Variants in FUCA1 observed in about 807,000 individuals in gnomAD.
FUCA1 encodes alpha-L-fucosidase 1, also known as tissue alpha-L-fucosidase.
A neutral mutation model predicts 56.8 loss-of-function variants in FUCA1; 52 were observed. The ratio of observed to expected loss-of-function variants is 0.92; its 90% CI spans 0.73 to 1.15. FUCA1 has a LOEUF of 1.15. Ranked by LOEUF, FUCA1 falls within the 50% of genes most tolerant of loss-of-function variation. FUCA1 has a pLI of 0.00. For missense variants in FUCA1, 568 were observed against 592.6 expected (o/e 0.96, Z 0.43); for synonymous variants, 230 against 226.6 (o/e 1.02, Z -0.14).
At position 23,848,622 on chromosome 1, in the gene FUCA1, T is replaced by C. The variant is rs756579234; in HGVS notation, c.1160+27A>G. On this transcript the variant is annotated intron_variant, in intron 6 of 7. Coordinates refer to ENST00000374479, the MANE Select transcript of FUCA1 (RefSeq NM_000147.5). ...TTCCGGATGGGGCACTGTTCTGTTC[T>C]TACACACAACAGAAGACAAGACTCA... The C allele has an allele frequency of 9.9e-6, 16 of 1,611,026 alleles. No homozygotes were observed. In the South Asian group the frequency reaches 1.8e-4, roughly 18 times the overall value.
At position 23,845,458 on chromosome 1, in the gene FUCA1, A is replaced by T. The variant is rs1639118301; in HGVS notation, c.*257T>A. 1 of 526,440 alleles carries T rather than the reference A, an allele frequency of 1.9e-6. No individual in the cohort carries two copies. The highest frequency in any genetic ancestry group is 3.4e-6 in the Non-Finnish European group (1 of 292,350). The allele number at this position is 526,440 out of a possible 1,614,324, so 32.6% of individuals were successfully genotyped here. A position where few individuals can be genotyped will look rare whatever the true frequency, so the allele number is the denominator to read the frequency against. On this transcript the variant is annotated 3_prime_UTR_variant, in exon 8 of 8. Transcript: ENST00000374479. ...CCATTGTAGATAATTTCCAAATATT[A>T]CAATTGATGAACTCAGAGTTCAACT...
chr1:23,854,096 A>T (rs979811830), intron 5 of FUCA1, among the ~76,000 whole-genome samples: 1 of 151,844 alleles, frequency 6.6e-6, no homozygotes, highest in Non-Finnish European at 1.5e-5. Flanking sequence ...ATAAATAAAA[A>T]ACTGGACACC....
chr1:23,862,621 T>A (rs145597505), intron 3 of FUCA1, among the ~76,000 whole-genome samples: 9 of 152,316 alleles, frequency 5.9e-5, no homozygotes, highest in African/African-American at 1.7e-4. Flanking sequence ...GTGAAAGTGA[T>A]CATTTAAAGA....
At chr1:23,865,680 C>G (rs1029452710) in intron 1 of FUCA1, 55 bp from the exon 2 acceptor site, 18 of 1,608,006 alleles carry the variant, frequency 1.1e-5, no homozygotes, top group East Asian at 2.2e-5. Flanking sequence ...CTTGCATGAA[C>G]TTGCCCAGCA....
At chr1:23,854,677 C>T in intron 4 of FUCA1, 117 bp from the exon 5 acceptor site, 1 of 846,434 alleles carries the variant, frequency 1.2e-6, no homozygotes, top group East Asian at 2.5e-5. Flanking sequence ...CAGTGGCTGT[C>T]AACTGGGGGC....
intron 6 of FUCA1, among the ~76,000 whole-genome samples, chr1:23,847,799 A>C (rs1639172722): frequency 6.6e-6 from 1 of 152,178 alleles, no homozygotes; most frequent in African/African-American, 2.4e-5. Context: ...AGGCAGGTGG[A>C]TCACTTGAGG....
intron 5 of FUCA1, among the ~76,000 whole-genome samples, chr1:23,852,204 T>G (rs1344190555): frequency 6.6e-6 from 1 of 151,826 alleles, no homozygotes; most frequent in Admixed American, 6.6e-5. Flanking sequence ...CTAGATCTCT[T>G]GAGGCCAGGA....
intron 1 of FUCA1, among the ~76,000 whole-genome samples, chr1:23,866,268 T>G (rs1639622620): frequency 1.3e-5 from 2 of 152,226 alleles, no homozygotes; most frequent in South Asian, 4.1e-4. Context: ...GCCGAGATCA[T>G]GCAACTGTAC....
Position 23,868,169 on chromosome 1 carries a change from C to T in FUCA1, c.118G>A (p.Asp40Asn). The T allele has an allele frequency of 1.2e-6, 2 of 1,608,016 alleles. No individual in the cohort carries two copies. The highest frequency in any genetic ancestry group is 2.2e-5 in the East Asian group (1 of 44,708). The change falls in exon 1 of 8, where the codon GAC becomes AAC. Residue 40 changes from aspartate to asparagine, a missense_variant. Coordinates refer to ENST00000374479, the MANE Select transcript of FUCA1 (RefSeq NM_000147.5). ...GGCCGAGAATCCAGGCTCGGCCAGT[C>T]TGGGGTGTAGCGGCGCGGAGGCTGG... is the stretch of plus-strand genomic sequence containing the variant. Reference protein sequence around the residue: ...RAQPPRRYTPDWPSLDSRPLP... With the variant: ...RAQPPRRYTPNWPSLDSRPLP...
At chr1:23,859,044 A>C (rs1204306519) in intron 4 of FUCA1, among the ~76,000 whole-genome samples, 2 of 152,094 alleles carry the variant, frequency 1.3e-5, no homozygotes, top group African/African-American at 4.8e-5. Context: ...GGCCTCCCAA[A>C]GTGCTGGGAT....
chr1:23,849,117 G>A lies in FUCA1; in HGVS notation c.970-278C>T, dbSNP rs186981270. Among the ~76,000 whole-genome samples, 83 of 152,144 alleles carry A rather than the reference G, an allele frequency of 5.5e-4. No homozygotes were observed. The South Asian group carries it at 0.015, about 27-fold the overall frequency. On this transcript the variant is annotated intron_variant, in intron 5 of 7. Transcript: ENST00000374479. ...CCTGCCTCAGTCTCCTGAGTAGCTGGAATTACAGGCATGCGCCACCACATC... is the reference window on the plus strand; with the variant it reads ...CCTGCCTCAGTCTCCTGAGTAGCTGAAATTACAGGCATGCGCCACCACATC...
intron 5 of FUCA1, among the ~76,000 whole-genome samples, chr1:23,852,282 G>A (rs1260202475): frequency 6.6e-6 from 1 of 151,874 alleles, no homozygotes; most frequent in East Asian, 1.9e-4. Context: ...TTAGCTGGTT[G>A]TAGAGGTGCA....
At chr1:23,866,052 C>T (rs530585971) in intron 1 of FUCA1, among the ~76,000 whole-genome samples, 14 of 152,330 alleles carry the variant, frequency 9.2e-5, no homozygotes, top group Non-Finnish European at 8.8e-5. Context: ...TGGCTCACAC[C>T]TGTAATCCCA....
chr1:23,853,691 G>A (rs1374039968), intron 5 of FUCA1, among the ~76,000 whole-genome samples: 1 of 150,290 alleles, frequency 6.7e-6, no homozygotes, highest in African/African-American at 2.4e-5. Flanking sequence ...AGGTAGACAC[G>A]GGAGACTTTT....
intron 2 of FUCA1, among the ~76,000 whole-genome samples, chr1:23,863,710 A>T (rs1001300700): frequency 6.6e-6 from 1 of 151,820 alleles, no homozygotes; most frequent in Non-Finnish European, 1.5e-5. Context: ...AAATTAGCTG[A>T]GTGTGGTGGT....
intron 4 of FUCA1, among the ~76,000 whole-genome samples, chr1:23,855,107 CA>C (rs769987268): frequency 0.012 from 1,620 of 129,924 alleles, 11 homozygotes; most frequent in Non-Finnish European, 0.016. Context: ...CAATCCCACT[CA>C]AAAAAAAAAA....
At chr1:23,864,084 T>C (rs1639568485) in intron 2 of FUCA1, among the ~76,000 whole-genome samples, 2 of 148,434 alleles carry the variant, frequency 1.3e-5, no homozygotes, top group African/African-American at 5.0e-5. Context: ...TTCTCTTTTT[T>C]TCCTTTTTTT....
rs759796952 is a variant in FUCA1 at position 23,854,360 on chromosome 1, C to T, written c.969G>A (p.Ser323=). The change falls in exon 5 of 8, where the codon TCG becomes TCA. Residue 323 remains serine (S), a splice_region_variant and synonymous_variant. Coordinates refer to ENST00000374479, the MANE Select transcript of FUCA1 (RefSeq NM_000147.5). ...ACAAAAAACTCAAAGGTGCTCTTAC[C>T]GAAATGATTTCAGATTCTTCTGTAA... ...SDVTEESEII[S]ELVQTVSLGG... is the part of the protein sequence containing the mutation. The T allele has an allele frequency of 9.3e-6, 15 of 1,613,410 alleles. No homozygotes were observed. Among genetic ancestry groups the T allele is most frequent in the African/African-American group, 2.7e-5 (2 of 74,908 alleles).
At chr1:23,846,415 T>C (rs555181808) in intron 6 of FUCA1, among the ~76,000 whole-genome samples, 2 of 151,862 alleles carry the variant, frequency 1.3e-5, no homozygotes, top group African/African-American at 4.8e-5. Flanking sequence ...GGATTACAGG[T>C]GTGCACCACC....
Sources: allele counts gnomAD v4.1 joint callset (sites outside exome capture counted in the v4.1 genomes callset), GRCh38; gene constraint gnomAD v4.1.1; transcripts MANE v1.5; gene names NCBI Gene and HGNC (gene_info 2026-07-23, HGNC 2026-07-21).